Variants in EIF3H observed in about 807,000 individuals in gnomAD.
EIF3H encodes eukaryotic translation initiation factor 3 subunit H.
In EIF3H, 26 loss-of-function variants were observed where a neutral mutation model predicts 44.2. The ratio of observed to expected loss-of-function variants is 0.59; its 90% CI spans 0.43 to 0.82. EIF3H has a LOEUF of 0.82. EIF3H is among the 40% of genes least tolerant of loss of function. The pLI is 0.00. For missense variants in EIF3H, 359 were observed against 432.8 expected (o/e 0.83, Z 1.51); for synonymous variants, 166 against 151.9 (o/e 1.09, Z -0.68).
intron 4 of EIF3H, 145 bp from the exon 5 acceptor site, chr8:116,656,150 G>A (rs6469657): frequency 0.86 from 541,910 of 633,352 alleles, 233,307 homozygotes; most frequent in Non-Finnish European, 0.88. Flanking sequence ...TAGAGAAACT[G>A]GAGTTTTACA....
intron 1 of EIF3H, among the ~76,000 whole-genome samples, chr8:116,731,452 T>C (rs558632770): frequency 1.3e-5 from 2 of 152,310 alleles, no homozygotes; most frequent in Non-Finnish European, 2.9e-5. Flanking sequence ...TTTCCTTTGT[T>C]TTTGTTTTGT....
At chr8:116,686,790 AAAAAAAT>A (rs142178298) in intron 2 of EIF3H, among the ~76,000 whole-genome samples, 15,250 of 152,018 alleles carry the variant, frequency 0.1, 1,096 homozygotes, top group East Asian at 0.4. Context: ...TTGCCAGGCC[AAAAAAAT>A]AAAAAATAAA....
intron 2 of EIF3H, among the ~76,000 whole-genome samples, chr8:116,705,632 T>C (rs1056664426): frequency 2.6e-5 from 4 of 151,704 alleles, no homozygotes; most frequent in Admixed American, 6.6e-5. Flanking sequence ...TTTTACAAAA[T>C]ACTTAAGCAG....
chr8:116,654,255 T>A (rs189906966), intron 5 of EIF3H, among the ~76,000 whole-genome samples: 9 of 152,332 alleles, frequency 5.9e-5, no homozygotes, highest in Non-Finnish European at 1.3e-4. Flanking sequence ...ACAAAAACTA[T>A]AATAAAATAT....
intron 2 of EIF3H, among the ~76,000 whole-genome samples, chr8:116,715,564 T>C (rs1452977109): frequency 6.6e-6 from 1 of 151,952 alleles, no homozygotes; most frequent in Non-Finnish European, 1.5e-5. Context: ...GTAAGCAAAA[T>C]TAAAAATTGG....
chr8:116,664,772 T>A (rs1039009314), intron 2 of EIF3H, among the ~76,000 whole-genome samples: 1 of 101,680 alleles, frequency 9.8e-6, no homozygotes, highest in Non-Finnish European at 2.7e-5. Context: ...ATTCTAAAAA[T>A]TAAAAACAAT....
At chr8:116,673,245 A>C (rs552823840) in intron 2 of EIF3H, among the ~76,000 whole-genome samples, 1 of 152,318 alleles carries the variant, frequency 6.6e-6, no homozygotes, top group Non-Finnish European at 1.5e-5. Flanking sequence ...GATCCTAGAT[A>C]TATAAACAAA....
In EIF3H at chr8:116,644,767, TAAAC is replaced by T. The variant is rs1005658090; in HGVS notation, c.*235_*238del. 15 of 443,272 alleles carry T rather than the reference TAAAC, an allele frequency of 3.4e-5. No individual in the cohort carries two copies. Among genetic ancestry groups the T allele is most frequent in the Admixed American group, 2.1e-4 (6 of 28,196 alleles). 27.5% of individuals were successfully genotyped at this position (443,272 alleles called of 1,614,324 possible). A position where few individuals can be genotyped will look rare whatever the true frequency, so the allele number is the denominator to read the frequency against. On this transcript the variant is annotated 3_prime_UTR_variant, in exon 8 of 8. Transcript: ENST00000521861. ...CAGGGCTTGTTTTAGCTTTTAGAAA[TAAAC>T]AAGTATAAGCAAACAAAAGTAAGCC...
chr8:116,759,731 G>A (rs564942678), upstream of EIF3H, among the ~76,000 whole-genome samples: 14 of 152,018 alleles, frequency 9.2e-5, no homozygotes, highest in East Asian at 5.8e-4. Flanking sequence ...GCGTGTGCGC[G>A]CGCACACACG....
intron 1 of EIF3H, chr8:116,734,145 G>T: frequency 2.6e-6 from 1 of 387,630 alleles, no homozygotes; most frequent in Non-Finnish European, 5.0e-6. Flanking sequence ...CTCTAAAAGG[G>T]TGTCCAAGAT....
chr8:116,738,232 T>A (rs1224032094), intron 1 of EIF3H, among the ~76,000 whole-genome samples: 1 of 152,150 alleles, frequency 6.6e-6, no homozygotes, highest in East Asian at 1.9e-4. Flanking sequence ...CAAACTAACG[T>A]TTCATTTTTT....
chr8:116,657,222 G>T lies in EIF3H; in HGVS notation c.550C>A (p.Pro184Thr), dbSNP rs776462055. The T allele has an allele frequency of 1.9e-6, 3 of 1,612,858 alleles. No homozygotes were observed. Among genetic ancestry groups the T allele is most frequent in the Non-Finnish European group, 2.5e-6 (3 of 1,179,060 alleles). Residue 184 changes from proline (P) to threonine (T), a missense_variant, in exon 4 of 8, where the codon CCT becomes ACT. Pro to Thr is a conservative substitution (Grantham distance 38). Coordinates refer to ENST00000521861, the MANE Select transcript of EIF3H (RefSeq NM_003756.3). ...ATGCCCCCAAACACTTACGCTTCAG[G>T]GGAAAAATCCTTTTCTTTACAAACT... ...MEVCKEKDFSPEALKKANITF... is the reference protein window; with the variant it reads ...MEVCKEKDFSTEALKKANITF...
chr8:116,756,982 G>A (rs1815459524), upstream of EIF3H, among the ~76,000 whole-genome samples: 1 of 152,180 alleles, frequency 6.6e-6, no homozygotes, highest in Non-Finnish European at 1.5e-5. Flanking sequence ...CTGGAATGAT[G>A]AGCATTAGAA....
intron 2 of EIF3H, among the ~76,000 whole-genome samples, chr8:116,673,760 C>G (rs1221895537): frequency 6.6e-6 from 1 of 152,118 alleles, no homozygotes; most frequent in Non-Finnish European, 1.5e-5. Context: ...ACACGTTTTT[C>G]ATTCAGCACA....
At chr8:116,662,168 A>C (rs1193549024) in intron 2 of EIF3H, among the ~76,000 whole-genome samples, 1 of 152,260 alleles carries the variant, frequency 6.6e-6, no homozygotes, top group East Asian at 1.9e-4. Flanking sequence ...GAATTTCACT[A>C]ATAAACAATG....
intron 2 of EIF3H, among the ~76,000 whole-genome samples, chr8:116,691,639 A>C (rs888274463): frequency 6.6e-6 from 1 of 152,014 alleles, no homozygotes; most frequent in African/African-American, 2.4e-5. Context: ...CTTTAGAAGG[A>C]CAAGGCAGGA....
At chr8:116,695,723 T>G (rs759924327) in intron 2 of EIF3H, among the ~76,000 whole-genome samples, 8 of 151,834 alleles carry the variant, frequency 5.3e-5, no homozygotes, top group Non-Finnish European at 1.2e-4. Context: ...AAAGCCCAAG[T>G]GGGATGGTAT....
chr8:116,725,655 C>CTTA (rs1213088329), intron 2 of EIF3H, among the ~76,000 whole-genome samples: 3 of 152,152 alleles, frequency 2.0e-5, no homozygotes, highest in African/African-American at 7.2e-5. Flanking sequence ...TAAACACTGA[C>CTTA]TTATTCAAAA....
At chr8:116,749,778 G>T (rs1458092525) in intron 1 of EIF3H, among the ~76,000 whole-genome samples, 1 of 37,098 alleles carries the variant, frequency 2.7e-5, no homozygotes, top group African/African-American at 1.1e-4. Flanking sequence ...TTATAACTTT[G>T]CTCCTCCAAA....
Sources: gnomAD v4.1 joint callset for allele counts (sites outside exome capture counted in the v4.1 genomes callset) on GRCh38, gnomAD v4.1.1 for gene constraint, MANE v1.5 for transcripts, NCBI Gene and HGNC (gene_info 2026-07-23, HGNC 2026-07-21) for gene names.